LRRC9: variants seen among roughly 807,000 people sequenced by gnomAD.
The protein encoded by LRRC9 is leucine rich repeat containing 9, also known as leucine-rich repeat-containing protein 9.
A neutral mutation model predicts 63.2 loss-of-function variants in LRRC9; 122 were observed. That is an observed-to-expected ratio of 1.93 (90% confidence interval 1.67 to 2.24). LRRC9 has a LOEUF of 2.24. LRRC9 is among the 30% of genes most tolerant of loss of function. The pLI, the probability that LRRC9 is intolerant of heterozygous loss-of-function variation, is 0.00. For missense variants in LRRC9, 1,071 were observed against 627.7 expected, an observed-to-expected ratio of 1.71 and a Z score of -7.55; for synonymous variants, 366 against 213.1, an observed-to-expected ratio of 1.72 and a Z score of -6.25.
At chr14:60,011,283 A>C (rs1208689165) in intron 23 of LRRC9, among the ~76,000 whole-genome samples, 1 of 152,048 alleles carries the variant, frequency 6.6e-6, no homozygotes, top group African/African-American at 2.4e-5. Flanking sequence ...ATCAGATCTC[A>C]TGAGACTTAT....
intron 15 of LRRC9, among the ~76,000 whole-genome samples, chr14:59,978,368 A>G (rs1724343087): frequency 6.6e-6 from 1 of 152,220 alleles, no homozygotes; most frequent in African/African-American, 2.4e-5. Context: ...TACTTTGAAG[A>G]TTCAAAATAC....
intron 1 of LRRC9, among the ~76,000 whole-genome samples, chr14:59,925,392 G>A (rs907044896): frequency 6.6e-6 from 1 of 152,182 alleles, no homozygotes; most frequent in East Asian, 1.9e-4. Context: ...AGAAGGAACA[G>A]TATGTACTCA....
intron 17 of LRRC9, 68 bp downstream of exon 17, chr14:59,985,292 AG>A: frequency 1.9e-6 from 1 of 540,032 alleles, no homozygotes; most frequent in East Asian, 2.9e-5. Context: ...GGTGGTTATC[AG>A]GGCCTAAGGG....
chr14:59,974,600 A>G (rs1044742913), exon 13 of LRRC9: 1 of 657,294 alleles, frequency 1.5e-6, no homozygotes, highest in Non-Finnish European at 2.7e-6. Flanking sequence ...AGAAGCCATC[A>G]TTGTTTCTAA....
exon 32 of LRRC9, chr14:60,063,559 C>A: frequency 2.2e-6 from 1 of 464,588 alleles, no homozygotes. Context: ...CTTAAACTTT[C>A]TTTATGGTTA....
At chr14:59,994,910 TA>T (rs1459929262) in intron 17 of LRRC9, among the ~76,000 whole-genome samples, 1 of 151,878 alleles carries the variant, frequency 6.6e-6, no homozygotes, top group African/African-American at 2.4e-5. Context: ...TACCTAATGT[TA>T]AATGAGTTAC....
intron 19 of LRRC9, among the ~76,000 whole-genome samples, chr14:60,000,352 T>C (rs768055492): frequency 1.4e-4 from 21 of 152,134 alleles, no homozygotes; most frequent in Non-Finnish European, 2.8e-4. Context: ...GCCCACTACC[T>C]GAATGATGGG....
exon 6 of LRRC9, chr14:59,931,972 G>A (rs761569279): frequency 2.4e-5 from 17 of 698,830 alleles, no homozygotes; most frequent in Admixed American, 2.0e-5. Context: ...TTTAAAGGTC[G>A]ATGTCTTGAC....
chr14:60,010,057 G>C (rs1270937799), intron 23 of LRRC9, among the ~76,000 whole-genome samples: 1 of 152,214 alleles, frequency 6.6e-6, no homozygotes, highest in Non-Finnish European at 1.5e-5. Context: ...GGTGCACGGT[G>C]CAAGCTGTGG....
chr14:59,993,549 T>G (rs1274403236), intron 17 of LRRC9, among the ~76,000 whole-genome samples: 2 of 152,180 alleles, frequency 1.3e-5, no homozygotes, highest in Non-Finnish European at 2.9e-5. Context: ...CCCATCAGTG[T>G]GCTGTATTCA....
At chr14:59,924,637 C>G (rs906846691) in intron 1 of LRRC9, among the ~76,000 whole-genome samples, 2 of 152,184 alleles carry the variant, frequency 1.3e-5, no homozygotes, top group African/African-American at 4.8e-5. Context: ...ATTTTAAATA[C>G]AGCAACCAGA....
At chr14:59,924,977 C>A (rs6573289) in intron 1 of LRRC9, among the ~76,000 whole-genome samples, 62,458 of 150,690 alleles carry the variant, frequency 0.41, 13,508 homozygotes, top group East Asian at 0.63. Context: ...CACACTCACA[C>A]TCCCTTATGT....
intron 1 of LRRC9, among the ~76,000 whole-genome samples, chr14:59,920,572 A>G (rs1888685862): frequency 6.6e-6 from 1 of 152,194 alleles, no homozygotes; most frequent in African/African-American, 2.4e-5. Context: ...AGTGCTCCCT[A>G]ACCAAACCTG....
intron 17 of LRRC9, among the ~76,000 whole-genome samples, chr14:59,989,348 CTTCA>C (rs1270623512): frequency 2.0e-5 from 3 of 151,560 alleles, no homozygotes; most frequent in Non-Finnish European, 4.4e-5. Flanking sequence ...CTTTTTGTCT[CTTCA>C]TTCATTTCTT....
At chr14:59,988,303 AACTGG>A (rs1167303359) in intron 17 of LRRC9, among the ~76,000 whole-genome samples, 1 of 152,160 alleles carries the variant, frequency 6.6e-6, no homozygotes, top group East Asian at 1.9e-4. Flanking sequence ...ACTGACTGGA[AACTGG>A]ACTGAACTTG....
At chr14:60,011,178 C>G (rs1890230744) in intron 23 of LRRC9, among the ~76,000 whole-genome samples, 1 of 152,172 alleles carries the variant, frequency 6.6e-6, no homozygotes, top group African/African-American at 2.4e-5. Flanking sequence ...GCTGGGGAGG[C>G]CTCACAATCA....
intron 17 of LRRC9, among the ~76,000 whole-genome samples, chr14:59,995,733 T>TG (rs1179033093): frequency 6.6e-6 from 1 of 151,210 alleles, no homozygotes; most frequent in Non-Finnish European, 1.5e-5. Context: ...AGGTTTTTTT[T>TG]TTGTTATATT....
chr14:60,053,890 A>G lies in LRRC9; in HGVS notation c.4131+685A>G. On this transcript the variant is annotated intron_variant, in intron 30 of 31. Coordinates refer to ENST00000445360, the Ensembl canonical transcript of LRRC9. This position sits in a 1 kb window ranked among gnomAD's most constrained non-coding sequence, Gnocchi z 4.8. ...TTTTGAACAGAGAAGTAACATTATT[A>G]GAATGCTGTGGTTTGAGAAAAAAAG... 1 of 454,876 alleles carries G rather than the reference A, an allele frequency of 2.2e-6. No individual in the cohort carries two copies. The highest frequency in any genetic ancestry group is 4.4e-6 in the Non-Finnish European group (1 of 226,454). The allele number at this position is 454,876 out of a possible 1,614,324, so 28.2% of individuals were successfully genotyped here. A position where few individuals can be genotyped will look rare whatever the true frequency, so the allele number is the denominator to read the frequency against.
chr14:59,933,170 C>T (rs766216760), intron 6 of LRRC9, among the ~76,000 whole-genome samples: 3 of 152,124 alleles, frequency 2.0e-5, no homozygotes, highest in Admixed American at 6.6e-5. Flanking sequence ...TAAGTGACAC[C>T]TTTCCCTCCC....
Sources: allele counts gnomAD v4.1 joint callset (sites outside exome capture counted in the v4.1 genomes callset), GRCh38; gene constraint gnomAD v4.1.1; non-coding constraint Gnocchi (gnomAD v3.1); transcripts MANE v1.5; gene names NCBI Gene and HGNC (gene_info 2026-07-23, HGNC 2026-07-21).